NCAPH: variants seen among roughly 807,000 people sequenced by gnomAD.
The protein encoded by NCAPH is condensin complex subunit 2.
NCAPH carries 38 observed loss-of-function variants against 85.5 expected under a neutral mutation model. The ratio of observed to expected loss-of-function variants is 0.44; its 90% CI spans 0.34 to 0.58. The LOEUF (loss-of-function observed/expected upper bound fraction) is 0.58, where lower values mean the gene tolerates loss of function less well. NCAPH is among the 20% of genes least tolerant of loss of function. NCAPH has a pLI of 0.01. For synonymous variants in NCAPH, 301 were observed against 335.1 expected, an observed-to-expected ratio of 0.90 and a Z score of 1.11; for missense variants, 789 against 916.6, an observed-to-expected ratio of 0.86 and a Z score of 1.80.
chr2:96,361,040 CTTTTTTTTT>C (rs760283642), intron 12 of NCAPH, among the ~76,000 whole-genome samples: 2 of 86,780 alleles, frequency 2.3e-5, no homozygotes, highest in African/African-American at 4.3e-5. Flanking sequence ...TTGCTTTCTC[CTTTTTTTTT>C]TTTTTTTTTT....
intron 6 of NCAPH, among the ~76,000 whole-genome samples, chr2:96,348,467 C>T (rs1295604392): frequency 1.3e-5 from 2 of 151,922 alleles, no homozygotes; most frequent in Non-Finnish European, 2.9e-5. Flanking sequence ...GCTGGGATTA[C>T]AGGTGTGAGT....
At chr2:96,359,810 G>A (rs1041718587) in intron 10 of NCAPH, among the ~76,000 whole-genome samples, 27 of 152,166 alleles carry the variant, frequency 1.8e-4, no homozygotes, top group Admixed American at 1.8e-3. Context: ...TTTCCATAGT[G>A]ATGGGATCCC....
chr2:96,344,521 A>G (rs1486457763), intron 6 of NCAPH, among the ~76,000 whole-genome samples: 1 of 152,242 alleles, frequency 6.6e-6, no homozygotes, highest in African/African-American at 2.4e-5. Flanking sequence ...TATGTTAGCT[A>G]ACATTTAATG....
At chr2:96,339,549 T>C (rs2064263012) in intron 1 of NCAPH, among the ~76,000 whole-genome samples, 1 of 145,110 alleles carries the variant, frequency 6.9e-6, no homozygotes, top group African/African-American at 2.6e-5. Flanking sequence ...TGAGATCCCG[T>C]CACTGCACTC....
rs1286078655 is a variant in NCAPH at position 96,354,277 on chromosome 2, A to T, written c.1097A>T (p.Asp366Val). 1 of 1,613,984 alleles carries T rather than the reference A, an allele frequency of 6.2e-7. No individual in the cohort carries two copies. The highest frequency in any genetic ancestry group is 1.3e-5 in the African/African-American group (1 of 74,906). ...GAGAGTGACTGTGGAGACTTCCCCG[A>T]TGGGTCCCTGGGGGATGACTTTGAT... Reference protein sequence around the residue: ...VDESDCGDFPDGSLGDDFDAN... With the variant: ...VDESDCGDFPVGSLGDDFDAN... Residue 366 changes from aspartate (D) to valine (V), a missense_variant, in exon 9 of 18, where the codon GAT becomes GTT. Coordinates refer to ENST00000240423, the MANE Select transcript of NCAPH (RefSeq NM_015341.5).
rs753811049 is a variant in NCAPH at position 96,364,552 on chromosome 2, C to T, written c.1659C>T (p.Asn553=). 6.2e-7 allele frequency: 1 copy of T among 1,613,724 alleles called. No homozygotes were observed. Among genetic ancestry groups the T allele is most frequent in the Non-Finnish European group, 8.5e-7 (1 of 1,179,628 alleles). ...AAGAAATTGAAGACTATGATTACAACAACCCTAACGACACCTCCAACTTTT... is the reference window on the plus strand; with the variant it reads ...AAGAAATTGAAGACTATGATTACAATAACCCTAACGACACCTCCAACTTTT... ...HYEEIEDYDY[N]NPNDTSNFCP... is the part of the protein sequence containing the mutation. The change falls in exon 13 of 18, where the codon AAC becomes AAT. Residue 553 remains asparagine, a synonymous_variant. Coordinates refer to ENST00000240423, the MANE Select transcript of NCAPH (RefSeq NM_015341.5).
At chr2:96,364,842 T>C (rs1197898679) in intron 13 of NCAPH, among the ~76,000 whole-genome samples, 3 of 152,206 alleles carry the variant, frequency 2.0e-5, no homozygotes, top group African/African-American at 7.2e-5. Flanking sequence ...AGTGAATGCG[T>C]CGACATGTGG....
intron 7 of NCAPH, among the ~76,000 whole-genome samples, chr2:96,352,970 G>A (rs111284082): frequency 5.9e-5 from 9 of 152,290 alleles, no homozygotes; most frequent in African/African-American, 1.2e-4. Flanking sequence ...AAGACGAAGC[G>A]TTTGATTTCC....
In NCAPH at chr2:96,374,389, G is replaced by A. The variant is rs576261688; in HGVS notation, c.*1038G>A. Among the ~76,000 whole-genome samples the A allele has an allele frequency of 5.3e-5, 8 of 152,256 alleles. No individual in the cohort carries two copies. In the East Asian group the frequency reaches 1.5e-3, roughly 29 times the overall value. On this transcript the variant is annotated 3_prime_UTR_variant, in exon 18 of 18. Transcript: ENST00000240423. ...TACAAGTTCTTCCCCTAACCTCAGAGGAATAGGGGAATTAACTTTGCTTGC... is the reference window on the plus strand; with the variant it reads ...TACAAGTTCTTCCCCTAACCTCAGAAGAATAGGGGAATTAACTTTGCTTGC...
intron 6 of NCAPH, among the ~76,000 whole-genome samples, chr2:96,348,130 G>A (rs1223045892): frequency 2.0e-5 from 3 of 151,890 alleles, no homozygotes; most frequent in South Asian, 2.1e-4. Context: ...AATGGGGAAC[G>A]CTGGCCCCAA....
intron 9 of NCAPH, among the ~76,000 whole-genome samples, chr2:96,358,729 A>G (rs2064560040): frequency 6.6e-6 from 1 of 152,128 alleles, no homozygotes; most frequent in Non-Finnish European, 1.5e-5. Flanking sequence ...TGGCCTCCCA[A>G]AGTGCTGGGA....
intron 8 of NCAPH, among the ~76,000 whole-genome samples, chr2:96,353,621 C>G (rs1299004925): frequency 6.6e-6 from 1 of 152,156 alleles, no homozygotes; most frequent in African/African-American, 2.4e-5. Context: ...AGCTTTATGT[C>G]CTCTCTTCTG....
chr2:96,354,470 A>T (rs1465218474), intron 9 of NCAPH, 82 bp downstream of exon 9: 7 of 1,217,928 alleles, frequency 5.7e-6, no homozygotes, highest in Non-Finnish European at 7.5e-6. Context: ...TCTAATTAAA[A>T]AATTTTTCTT....
Position 96,341,817 on chromosome 2 carries a change from G to A in NCAPH, c.195G>A (p.Leu65=). 1 of 1,613,998 alleles carries A rather than the reference G, an allele frequency of 6.2e-7. No individual in the cohort carries two copies. Among genetic ancestry groups the A allele is most frequent in the South Asian group, 1.1e-5 (1 of 91,082 alleles). ...AGAATGACGATGAGAAGGAGCGGCT[G>A]CAGCGGAGGCGCTCGAGGGTCTTTG... ...FPQNDDEKER[L]QRRRSRVFDL... is the part of the protein sequence containing the mutation. The change falls in exon 2 of 18, where the codon CTG becomes CTA. Residue 65 remains leucine (L), a synonymous_variant. Transcript: ENST00000240423.
At chr2:96,347,283 T>TG (rs1244615873) in intron 6 of NCAPH, among the ~76,000 whole-genome samples, 1 of 151,638 alleles carries the variant, frequency 6.6e-6, no homozygotes, top group Non-Finnish European at 1.5e-5. Context: ...AGCCTGTTTT[T>TG]TTTTTTTTTT....
At chr2:96,350,558 C>T (rs574469082) in intron 6 of NCAPH, among the ~76,000 whole-genome samples, 2 of 152,180 alleles carry the variant, frequency 1.3e-5, no homozygotes, top group East Asian at 3.9e-4. Context: ...GGTCATATTG[C>T]TGGCTCTGGG....
At position 96,375,758 on chromosome 2, in the gene NCAPH, C is replaced by T. The variant is rs185801713; in HGVS notation, c.*2407C>T. On this transcript the variant is annotated 3_prime_UTR_variant, in exon 18 of 18. Transcript: ENST00000240423. The stretch of plus-strand genomic sequence containing the variant: ...ACAGTTCCATGAAATTATGAGAGAC[C>T]GGGGATCCTTCCAGCTCATCCTTCT... 1.6e-4 allele frequency among the ~76,000 whole-genome samples: 25 copies of T among 152,154 alleles called. No homozygotes were observed. Among genetic ancestry groups the T allele is most frequent in the African/African-American group, 5.3e-4 (22 of 41,506 alleles).
chr2:96,341,924 A>G, intron 2 of NCAPH, 30 bp downstream of exon 2: 1 of 1,605,246 alleles, frequency 6.2e-7, no homozygotes, highest in African/African-American at 1.3e-5. Context: ...TTTCTCCTTG[A>G]GGCAGCCGCC....
intron 9 of NCAPH, among the ~76,000 whole-genome samples, chr2:96,358,130 AAG>A (rs1447275179): frequency 2.6e-5 from 4 of 152,226 alleles, no homozygotes; most frequent in African/African-American, 7.2e-5. Flanking sequence ...AAAATGTAGA[AAG>A]AGTGAAAAAC....
Sources: gnomAD v4.1 joint callset for allele counts (sites outside exome capture counted in the v4.1 genomes callset) on GRCh38, gnomAD v4.1.1 for gene constraint, MANE v1.5 for transcripts, NCBI Gene and HGNC (gene_info 2026-07-23, HGNC 2026-07-21) for gene names.